Variants in SLC4A11 observed in about 807,000 individuals in gnomAD.
SLC4A11 encodes the protein bicarbonate transporter related protein 1.
A neutral mutation model predicts 95.0 loss-of-function variants in SLC4A11; 74 were observed. The ratio of observed to expected loss-of-function variants is 0.78; its 90% CI spans 0.65 to 0.95. SLC4A11 has a LOEUF of 0.95. Among genes scored for constraint, SLC4A11 ranks in the 40% least tolerant of loss-of-function variants. The probability of loss-of-function intolerance (pLI) is 0.00; values close to 1 mark genes in which losing one functional copy is unlikely to be tolerated. For synonymous variants in SLC4A11, 548 were observed against 519.0 expected (o/e 1.06, Z -0.76); for missense variants, 1,081 against 1,192.4 (o/e 0.91, Z 1.38).
chr20:3,234,982 T>C lies in SLC4A11; in HGVS notation c.89-88A>G, dbSNP rs2067923247. On this transcript the variant is annotated intron_variant, in intron 2 of 19. Transcript: ENST00000642402. This position sits in a 1 kb window ranked among gnomAD's most constrained non-coding sequence, Gnocchi z 5.8. ...TCCAAGCCCAGGGAGCAGGGACCCC[T>C]GGACTGTCCCACTCTCGGGCCGTGG... 42 of 1,548,306 alleles carry C rather than the reference T, an allele frequency of 2.7e-5. No homozygotes were observed. The highest frequency in any genetic ancestry group is 3.6e-5 in the Non-Finnish European group (41 of 1,124,994).
At position 3,231,318 on chromosome 20, in the gene SLC4A11, T is replaced by C. The variant is rs772142457; in HGVS notation, c.948+12A>G. On this transcript the variant is annotated intron_variant, in intron 8 of 19. Coordinates refer to ENST00000642402, the MANE Select transcript of SLC4A11 (RefSeq NM_001174089.2). The surrounding 1 kb of genome is among the most constrained non-coding windows in gnomAD (Gnocchi z 5.2). ...CCGACCCTGCCGGCCCCCGCCGGCC[T>C]CTACCCTGTACCTCTGGGTGTCTGT... is the stretch of plus-strand genomic sequence containing the variant. 1 of 1,613,720 alleles carries C rather than the reference T, an allele frequency of 6.2e-7. No individual in the cohort carries two copies. The highest frequency in any genetic ancestry group is 1.1e-5 in the South Asian group (1 of 91,084).
intron 17 of SLC4A11, 35 bp from the exon 18 acceptor site, chr20:3,228,742 G>A (rs376946452): frequency 4.4e-4 from 713 of 1,612,448 alleles, no homozygotes; most frequent in Non-Finnish European, 5.5e-4. Context: ...TCACCTCTGC[G>A]CCCCTGTCCA....
Position 3,239,114 on chromosome 20 carries a change from C to G in SLC4A11, c.24G>C (p.Val8=). ...ACCCACCGCACGGCTGCAGATGGAACACGCGCCTGGTGGCCGCGGCCATGG... is the reference window on the plus strand; with the variant it reads ...ACCCACCGCACGGCTGCAGATGGAAGACGCGCCTGGTGGCCGCGGCCATGG... MAAATRR[V]FHLQPCENSP... The change falls in exon 1 of 20, where the codon GTG becomes GTC. Residue 8 remains valine, a synonymous_variant. Transcript: ENST00000642402. 1.4e-6 allele frequency: 2 copies of G among 1,477,568 alleles called. No homozygotes were observed. The highest frequency in any genetic ancestry group is 1.8e-6 in the Non-Finnish European group (2 of 1,118,890). The allele number at this position is 1,477,568 out of a possible 1,614,324, so 91.5% of individuals were successfully genotyped here. A position where few individuals can be genotyped will look rare whatever the true frequency, so the allele number is the denominator to read the frequency against.
chr20:3,233,502 C>T lies in SLC4A11; in HGVS notation c.729+12G>A. ...CCTCCTTCTTCCCCAGGACACGGCACTACCCACTCACCATCTTGGGTGGGG... is the reference window on the plus strand; with the variant it reads ...CCTCCTTCTTCCCCAGGACACGGCATTACCCACTCACCATCTTGGGTGGGG... On this transcript the variant is annotated intron_variant, in intron 7 of 19. Transcript: ENST00000642402. 1 of 1,613,442 alleles carries T rather than the reference C, an allele frequency of 6.2e-7. No homozygotes were observed. The highest frequency in any genetic ancestry group is 8.5e-7 in the Non-Finnish European group (1 of 1,179,960).
intron 2 of SLC4A11, among the ~76,000 whole-genome samples, chr20:3,236,019 A>C (rs894531553): frequency 6.6e-6 from 1 of 152,124 alleles, no homozygotes; most frequent in Non-Finnish European, 1.5e-5. Flanking sequence ...TACTCCCAGG[A>C]AAGGGGCCCT....
rs555486225 is a variant in SLC4A11, at chr20:3,238,203, G to A, written c.44-615C>T. The A allele has an allele frequency of 7.7e-6, 11 of 1,420,768 alleles. No homozygotes were observed. In the African/African-American group the frequency reaches 1.6e-4, roughly 20 times the overall value. 88.0% of individuals were successfully genotyped at this position (1,420,768 alleles called of 1,614,324 possible). ...GGTCCAAAAGGGAGAACAATTGGGGGTGGGAGGAGTATCTGAGGGACACAT... is the reference window on the plus strand; with the variant it reads ...GGTCCAAAAGGGAGAACAATTGGGGATGGGAGGAGTATCTGAGGGACACAT... On this transcript the variant is annotated intron_variant, in intron 1 of 19. Transcript: ENST00000642402.
chr20:3,232,054 T>C (rs558161662), intron 7 of SLC4A11, among the ~76,000 whole-genome samples: 48 of 152,374 alleles, frequency 3.2e-4, no homozygotes, highest in Non-Finnish European at 6.3e-4. Context: ...CATCGATCTA[T>C]ATTTTTGTTA....
At position 3,231,306 on chromosome 20, in the gene SLC4A11, C is replaced by T. The variant is rs746744062; in HGVS notation, c.948+24G>A. 1 of 1,613,556 alleles carries T rather than the reference C, an allele frequency of 6.2e-7. No individual in the cohort carries two copies. The highest frequency in any genetic ancestry group is 1.3e-5 in the African/African-American group (1 of 75,038). ...CCCATGCCCCCGCCGACCCTGCCGG[C>T]CCCCGCCGGCCTCTACCCTGTACCT... is the stretch of plus-strand genomic sequence containing the variant. On this transcript the variant is annotated intron_variant, in intron 8 of 19. Transcript: ENST00000642402. The surrounding 1 kb of genome is among the most constrained non-coding windows in gnomAD (Gnocchi z 5.2).
chr20:3,227,736 C>G lies in SLC4A11; in HGVS notation c.*51G>C. ...CCTCCCCTCACAGCTCCAGAGCCAG[C>G]CTGGGAGGACGTGGAGGGCTGGCGA... On this transcript the variant is annotated 3_prime_UTR_variant, in exon 20 of 20. Coordinates refer to ENST00000642402, the MANE Select transcript of SLC4A11 (RefSeq NM_001174089.2). 6.3e-7 allele frequency: 1 copy of G among 1,592,082 alleles called. No homozygotes were observed. Among genetic ancestry groups the G allele is most frequent in the Non-Finnish European group, 8.6e-7 (1 of 1,164,538 alleles).
At chr20:3,230,121 G>A (rs768449278) in intron 13 of SLC4A11, 66 bp downstream of exon 13, 65 of 1,558,220 alleles carry the variant, frequency 4.2e-5, no homozygotes, top group African/African-American at 5.4e-5. Flanking sequence ...CCCAGCCAGG[G>A]GCAGTGCAGA....
At position 3,231,100 on chromosome 20, in the gene SLC4A11, G is replaced by A. The variant is rs577325409; in HGVS notation, c.1043-42C>T. The A allele has an allele frequency of 1.2e-6, 2 of 1,614,032 alleles. No individual in the cohort carries two copies. Among genetic ancestry groups the A allele is most frequent in the Non-Finnish European group, 1.7e-6 (2 of 1,180,040 alleles). The stretch of plus-strand genomic sequence containing the variant: ...GGAGAGAGGGTTTGCTGGGGATGCA[G>A]GACAGGCACACGTGTGGGCCCAAGG... On this transcript the variant is annotated intron_variant, in intron 9 of 19. Transcript: ENST00000642402. This position sits in a 1 kb window ranked among gnomAD's most constrained non-coding sequence, Gnocchi z 5.2.
rs200688221 is a variant in SLC4A11, at chr20:3,230,547, G to T, written c.1383C>A (p.Phe461Leu). ...NSFFLALYAF[F>L]NLSLVMSLFK... ...AGAGACTCATGACCAGGCTGAGGTT[G>T]AAAAAGGCATAAAGCGCAAGGAAGA... The change falls in exon 12 of 20, where the codon TTC becomes TTA. Residue 461 changes from phenylalanine (F) to leucine (L), a missense_variant. Physicochemically the swap from Phe to Leu is conservative, Grantham distance 22 (BLOSUM62 0). Coordinates refer to ENST00000642402, the MANE Select transcript of SLC4A11 (RefSeq NM_001174089.2). 15 of 1,613,946 alleles carry T rather than the reference G, an allele frequency of 9.3e-6. No homozygotes were observed. Among genetic ancestry groups the T allele is most frequent in the Non-Finnish European group, 1.1e-5 (13 of 1,180,018 alleles).
intron 2 of SLC4A11, among the ~76,000 whole-genome samples, chr20:3,235,608 C>CTGTGGGA (rs1250958118): frequency 1.3e-5 from 2 of 152,102 alleles, no homozygotes; most frequent in Non-Finnish European, 2.9e-5. Context: ...GTAATGGCAC[C>CTGTGGGA]TGTGGGATGT....
In SLC4A11 at chr20:3,231,306, C is replaced by A. The variant is rs746744062; in HGVS notation, c.948+24G>T. The A allele has an allele frequency of 2.7e-5, 44 of 1,613,438 alleles. No homozygotes were observed. Among genetic ancestry groups the A allele is most frequent in the Admixed American group, 3.3e-5 (2 of 59,998 alleles). On this transcript the variant is annotated intron_variant, in intron 8 of 19. Coordinates refer to ENST00000642402, the MANE Select transcript of SLC4A11 (RefSeq NM_001174089.2). The surrounding 1 kb of genome is among the most constrained non-coding windows in gnomAD (Gnocchi z 5.2). ...CCCATGCCCCCGCCGACCCTGCCGGCCCCCGCCGGCCTCTACCCTGTACCT... is the reference window on the plus strand; with the variant it reads ...CCCATGCCCCCGCCGACCCTGCCGGACCCCGCCGGCCTCTACCCTGTACCT...
Position 3,231,766 on chromosome 20 carries a change from C to T in SLC4A11, c.730-218G>A, listed in dbSNP as rs2067790008. ...CTCCCGGGCTCAAGTGATTCTCCCA[C>T]ATCAGTCCCCTGAGTAGCTGGGACC... is the stretch of plus-strand genomic sequence containing the variant. On this transcript the variant is annotated intron_variant, in intron 7 of 19. Coordinates refer to ENST00000642402, the MANE Select transcript of SLC4A11 (RefSeq NM_001174089.2). The surrounding 1 kb of genome is among the most constrained non-coding windows in gnomAD (Gnocchi z 5.2). 1.3e-5 allele frequency among the ~76,000 whole-genome samples: 2 copies of T among 152,234 alleles called. No homozygotes were observed. The highest frequency in any genetic ancestry group is 2.1e-4 in the South Asian group (1 of 4,832).
chr20:3,230,599 T>C lies in SLC4A11; in HGVS notation c.1331A>G (p.Tyr444Cys), dbSNP rs1188949813. Residue 444 changes from tyrosine (Y) to cysteine (C), a missense_variant, in exon 12 of 20, where the codon TAC becomes TGC. This residue lies in a region of SLC4A11 where 767 missense variants were observed against 858.0 expected (regional missense o/e 0.89). Coordinates refer to ENST00000642402, the MANE Select transcript of SLC4A11 (RefSeq NM_001174089.2). ...DDYDLDFNSF[Y>C]AWTGLWNSFF... ...ACTATTCCACAGGCCCGTCCATGCG[T>C]AGAAGGAGTTGAAGTCCAGGTCATA... 2 of 1,613,692 alleles carry C rather than the reference T, an allele frequency of 1.2e-6. No homozygotes were observed. The highest frequency in any genetic ancestry group is 1.7e-6 in the Non-Finnish European group (2 of 1,179,980).
intron 1 of SLC4A11, chr20:3,238,098 C>T (rs1568548453): frequency 1.4e-6 from 2 of 1,463,684 alleles, no homozygotes; most frequent in Admixed American, 5.1e-5. Flanking sequence ...CCGTCACGCG[C>T]CCCGGGTCAC....
chr20:3,230,305 G>A, intron 12 of SLC4A11, 45 bp from the exon 13 acceptor site: 5 of 1,608,022 alleles, frequency 3.1e-6, no homozygotes, highest in Non-Finnish European at 4.3e-6. Context: ...GTGGTCAGGG[G>A]GCAGGTGGGG....
At position 3,228,358 on chromosome 20, in the gene SLC4A11, T is replaced by G; in HGVS notation, c.2459A>C (p.Gln820Pro). Residue 820 changes from glutamine (Q) to proline (P), a missense_variant, in exon 19 of 20, where the codon CAG (glutamine) becomes CCG (proline). This residue lies in a region of SLC4A11 where 767 missense variants were observed against 858.0 expected (regional missense o/e 0.89). Transcript: ENST00000642402. ...QRKIHYFTGLQVLQLLLLCAF... is the reference protein window; with the variant it reads ...QRKIHYFTGLPVLQLLLLCAF... ...ACACAGCAGCAGCAGCTGAAGCACC[T>G]GCAGGCCCGTGAAGTAGTGGATCTT... 2.5e-6 allele frequency: 4 copies of G among 1,613,204 alleles called. No homozygotes were observed. The highest frequency in any genetic ancestry group is 3.4e-6 in the Non-Finnish European group (4 of 1,179,958).
Sources: gnomAD v4.1 joint callset for allele counts (sites outside exome capture counted in the v4.1 genomes callset) on GRCh38, gnomAD v4.1.1 for gene constraint, gnomAD v4.1.1 regional missense constraint, Gnocchi (gnomAD v3.1) non-coding constraint, MANE v1.5 for transcripts, NCBI Gene and HGNC (gene_info 2026-07-23, HGNC 2026-07-21) for gene names.